Variants in SLC38A4 observed in about 807,000 individuals in gnomAD.
SLC38A4 encodes solute carrier family 38 member 4, also known as sodium-coupled neutral amino acid transporter 4.
Under a neutral mutation model 63.1 loss-of-function variants are expected in SLC38A4, and 20 were observed. The ratio of observed to expected loss-of-function variants is 0.32; its 90% CI spans 0.22 to 0.46. SLC38A4 has a LOEUF of 0.46. Ranked by LOEUF, SLC38A4 falls within the 20% of genes least tolerant of loss-of-function variation. The pLI, the probability that SLC38A4 is intolerant of heterozygous loss-of-function variation, is 1.00. For synonymous variants in SLC38A4, 230 were observed against 225.5 expected (o/e 1.02, Z -0.18); for missense variants, 526 against 663.6 (o/e 0.79, Z 2.28).
intron 1 of SLC38A4, among the ~76,000 whole-genome samples, chr12:46,832,047 T>C (rs1249538090): frequency 1.3e-5 from 2 of 151,662 alleles, no homozygotes; most frequent in Non-Finnish European, 2.9e-5. Context: ...CTTCCCTCCA[T>C]GTGCCCTAGT....
chr12:46,827,694 T>G (rs1309844751), upstream of SLC38A4, among the ~76,000 whole-genome samples: 1 of 152,128 alleles, frequency 6.6e-6, no homozygotes, highest in Non-Finnish European at 1.5e-5. Context: ...GAACATTTGT[T>G]TGGATTTTGT....
chr12:46,796,868 C>T (rs1939018971), intron 2 of SLC38A4, among the ~76,000 whole-genome samples: 1 of 152,068 alleles, frequency 6.6e-6, no homozygotes, highest in African/African-American at 2.4e-5. Flanking sequence ...TCACTGGTTG[C>T]CCATGATCTA....
intron 1 of SLC38A4, among the ~76,000 whole-genome samples, chr12:46,813,472 A>C (rs898472664): frequency 2.0e-5 from 3 of 151,946 alleles, no homozygotes. Context: ...AAGGATTCGG[A>C]TCCAATCCCC....
upstream of SLC38A4, among the ~76,000 whole-genome samples, chr12:46,829,200 C>A (rs1026044399): frequency 2.6e-5 from 4 of 152,122 alleles, no homozygotes; most frequent in Admixed American, 2.6e-4. Flanking sequence ...CATTAAAGGG[C>A]TTAGTATAAA....
At chr12:46,776,333 C>A (rs1298468871) in intron 13 of SLC38A4, among the ~76,000 whole-genome samples, 1 of 151,976 alleles carries the variant, frequency 6.6e-6, no homozygotes, top group Non-Finnish European at 1.5e-5. Context: ...TGGCCATAGT[C>A]ACTTTTTTTT....
chr12:46,780,372 TAGTCTGGCA>T (rs1461061186), intron 7 of SLC38A4, among the ~76,000 whole-genome samples: 2 of 151,966 alleles, frequency 1.3e-5, no homozygotes, highest in African/African-American at 4.8e-5. Context: ...ACTTGGGCAG[TAGTCTGGCA>T]ACAAAAGGCA....
chr12:46,831,682 C>A (rs1939733371), intron 1 of SLC38A4, among the ~76,000 whole-genome samples: 1 of 152,262 alleles, frequency 6.6e-6, no homozygotes, highest in Non-Finnish European at 1.5e-5. Context: ...GGGAATCATG[C>A]TGGTCTCTGG....
rs1412324344 is a variant in SLC38A4, at chr12:46,815,278, TATATATAC to T, written c.-305+10617_-305+10624del. On this transcript the variant is annotated intron_variant, in intron 1 of 16. Transcript: ENST00000266579. The stretch of plus-strand genomic sequence containing the variant: ...ATATATATATATATATATATATATA[TATATATAC>T]ACACACACACACACACACACACAGA... Among the ~76,000 whole-genome samples, 516 of 86,378 alleles carry T rather than the reference TATATATAC, an allele frequency of 6.0e-3. 2 individuals carry two copies. The highest frequency in any genetic ancestry group is 0.022 in the African/African-American group (478 of 21,416). 56.7% of individuals were successfully genotyped at this position (86,378 alleles called of 152,430 possible). A position where few individuals can be genotyped will look rare whatever the true frequency, so the allele number is the denominator to read the frequency against.
chr12:46,798,265 G>A (rs1939057835), intron 2 of SLC38A4, among the ~76,000 whole-genome samples: 4 of 152,076 alleles, frequency 2.6e-5, no homozygotes, highest in Admixed American at 2.0e-4. Context: ...TTCTCAACAT[G>A]CCTGGTAAGA....
At chr12:46,813,209 T>C (rs539105693) in intron 1 of SLC38A4, among the ~76,000 whole-genome samples, 12 of 152,138 alleles carry the variant, frequency 7.9e-5, no homozygotes, top group Admixed American at 7.2e-4. Flanking sequence ...CATATACATA[T>C]GTACATTAAT....
upstream of SLC38A4, among the ~76,000 whole-genome samples, chr12:46,829,911 A>T (rs767915495): frequency 2.0e-5 from 3 of 152,250 alleles, no homozygotes; most frequent in Non-Finnish European, 4.4e-5. Context: ...AAATGGGTAT[A>T]ATAATAGAAT....
chr12:46,825,458 A>G (rs1939629805), intron 1 of SLC38A4, among the ~76,000 whole-genome samples: 2 of 152,196 alleles, frequency 1.3e-5, no homozygotes, highest in African/African-American at 4.8e-5. Context: ...GCTTCAAAAG[A>G]TAAGAAGGAA....
chr12:46,779,244 T>A (rs1938590512), intron 10 of SLC38A4, among the ~76,000 whole-genome samples: 1 of 151,962 alleles, frequency 6.6e-6, no homozygotes, highest in South Asian at 2.1e-4. Flanking sequence ...ATGGGTGGAA[T>A]GTGTAAGAGA....
chr12:46,768,635 A>G (rs1938346332), intron 15 of SLC38A4, among the ~76,000 whole-genome samples: 1 of 152,140 alleles, frequency 6.6e-6, no homozygotes, highest in African/African-American at 2.4e-5. Context: ...TATATGCAAC[A>G]TATAATAAGC....
chr12:46,831,954 C>CGGAA (rs1488524464), intron 1 of SLC38A4, among the ~76,000 whole-genome samples: 3 of 148,364 alleles, frequency 2.0e-5, no homozygotes, highest in African/African-American at 7.9e-5. Flanking sequence ...GTGCCCCATA[C>CGGAA]CCCAGCCCTC....
At chr12:46,813,926 T>A (rs1939386372) in intron 1 of SLC38A4, among the ~76,000 whole-genome samples, 1 of 152,058 alleles carries the variant, frequency 6.6e-6, no homozygotes, top group Non-Finnish European at 1.5e-5. Flanking sequence ...CATGCATATT[T>A]AAAGAATTGT....
intron 13 of SLC38A4, among the ~76,000 whole-genome samples, chr12:46,775,560 G>A (rs1412325618): frequency 6.6e-6 from 1 of 151,800 alleles, no homozygotes; most frequent in African/African-American, 2.4e-5. Flanking sequence ...CCCTACCTGC[G>A]CAGCCACTCC....
intron 14 of SLC38A4, 47 bp downstream of exon 14, chr12:46,775,001 AT>A: frequency 1.3e-6 from 2 of 1,599,712 alleles, no homozygotes; most frequent in Non-Finnish European, 1.7e-6. Flanking sequence ...ACATGTACTA[AT>A]TTATGGGGTC....
chr12:46,805,267 T>C (rs530377612), intron 1 of SLC38A4, among the ~76,000 whole-genome samples: 9 of 152,152 alleles, frequency 5.9e-5, no homozygotes, highest in African/African-American at 1.7e-4. Context: ...GAGACTTCTA[T>C]TGAAGAGTTT....
Sources: allele counts gnomAD v4.1 joint callset (sites outside exome capture counted in the v4.1 genomes callset), GRCh38; gene constraint gnomAD v4.1.1; transcripts MANE v1.5; gene names NCBI Gene and HGNC (gene_info 2026-07-23, HGNC 2026-07-21).